The following SEC24D variants were observed in gnomAD, a reference collection of about 807,000 sequenced individuals.
The protein encoded by SEC24D is SEC24 homolog D, COPII component.
SEC24D carries 69 observed loss-of-function variants against 116.9 expected under a neutral mutation model. The ratio of observed to expected loss-of-function variants is 0.59; its 90% CI spans 0.49 to 0.72. The LOEUF (loss-of-function observed/expected upper bound fraction) is 0.72, where lower values mean the gene tolerates loss of function less well. Ranked by LOEUF, SEC24D falls within the 30% of genes least tolerant of loss-of-function variation. SEC24D has a pLI of 0.00. For missense variants in SEC24D, 1,131 were observed against 1,264.1 expected, an observed-to-expected ratio of 0.89 and a Z score of 1.60; for synonymous variants, 405 against 442.8, an observed-to-expected ratio of 0.91 and a Z score of 1.07.
At chr4:118,831,274 T>G (rs1369032180) in intron 2 of SEC24D, among the ~76,000 whole-genome samples, 3 of 152,192 alleles carry the variant, frequency 2.0e-5, no homozygotes, top group African/African-American at 7.2e-5. Context: ...AGTGATCCAC[T>G]TGTCTTGGTC....
chr4:118,744,706 T>C (rs1374188212), intron 14 of SEC24D, among the ~76,000 whole-genome samples: 2 of 152,258 alleles, frequency 1.3e-5, no homozygotes, highest in Non-Finnish European at 2.9e-5. Context: ...ATTACAGGCA[T>C]GAGCCACCGC....
At chr4:118,810,137 T>TGTGTGTGTGTGTGG (rs56961502) in intron 6 of SEC24D, among the ~76,000 whole-genome samples, 1,787 of 104,340 alleles carry the variant, frequency 0.017, 141 homozygotes, top group East Asian at 0.022. Context: ...TGTGTGTGTG[T>TGTGTGTGTGTGTGG]CAGAGGGTAT....
In SEC24D at chr4:118,782,909, C is replaced by A. The variant is rs187290128; in HGVS notation, c.1042-14598G>T. Among the ~76,000 whole-genome samples, 202 of 152,332 alleles carry A rather than the reference C, an allele frequency of 1.3e-3. 1 individual carries two copies. Among genetic ancestry groups the A allele is most frequent in the Non-Finnish European group, 1.4e-3 (97 of 68,028 alleles). ...TCCTTGGGTGTGGGACCCACCGAGT[C>A]AGGCATGGGATATAATCTCCTGGTG... On this transcript the variant is annotated intron_variant, in intron 8 of 22. Transcript: ENST00000280551.
chr4:118,791,857 G>A (rs1466850258), intron 8 of SEC24D, among the ~76,000 whole-genome samples: 9 of 152,292 alleles, frequency 5.9e-5, no homozygotes, highest in African/African-American at 2.2e-4. Context: ...GTGCAGTGGC[G>A]TGATCTTGGC....
chr4:118,834,269 T>TTA (rs1239328568), intron 1 of SEC24D, among the ~76,000 whole-genome samples: 1 of 152,264 alleles, frequency 6.6e-6, no homozygotes, highest in Non-Finnish European at 1.5e-5. Context: ...GATAATGGGC[T>TTA]TATTTTATGA....
chr4:118,826,417 T>C (rs1184281806), intron 2 of SEC24D, among the ~76,000 whole-genome samples: 3 of 152,220 alleles, frequency 2.0e-5, no homozygotes, highest in Non-Finnish European at 2.9e-5. Flanking sequence ...TCATCTTCCC[T>C]GGCCATAGCC....
chr4:118,794,715 G>A (rs1729100531), intron 8 of SEC24D, among the ~76,000 whole-genome samples: 1 of 152,180 alleles, frequency 6.6e-6, no homozygotes, highest in Non-Finnish European at 1.5e-5. Flanking sequence ...TAGGCACACT[G>A]ATGGCAATAC....
intron 6 of SEC24D, among the ~76,000 whole-genome samples, chr4:118,812,318 T>C (rs1193228374): frequency 6.6e-6 from 1 of 151,942 alleles, no homozygotes; most frequent in Admixed American, 6.6e-5. Context: ...TAGAGAAAGG[T>C]GGGTCCCTGG....
At position 118,722,951 on chromosome 4, in the gene SEC24D, A is replaced by C. The variant is rs1725221380; in HGVS notation, c.*564T>G. ...AGTTTTACAGACAAAACAACTGGAA[A>C]ATAGTTTTAACATACACAATATATA... On this transcript the variant is annotated 3_prime_UTR_variant, in exon 23 of 23. Transcript: ENST00000280551. 1 of 152,666 alleles carries C rather than the reference A, an allele frequency of 6.6e-6. No homozygotes were observed. The highest frequency in any genetic ancestry group is 1.5e-5 in the Non-Finnish European group (1 of 68,034). The allele number at this position is 152,666 out of a possible 1,614,324, so 9.5% of individuals were successfully genotyped here.
At chr4:118,780,039 T>C (rs62328158) in intron 8 of SEC24D, among the ~76,000 whole-genome samples, 7,403 of 152,228 alleles carry the variant, frequency 0.049, 226 homozygotes, top group Middle Eastern at 0.24. Context: ...TTTGTTGATC[T>C]TTTCAAAAAA....
intron 19 of SEC24D, among the ~76,000 whole-genome samples, chr4:118,737,329 A>G (rs1726010910): frequency 6.6e-6 from 1 of 152,230 alleles, no homozygotes; most frequent in Non-Finnish European, 1.5e-5. Flanking sequence ...AGAAGAGATA[A>G]AAGAATGGAT....
chr4:118,793,694 TTCTAAG>T (rs1248173838), intron 8 of SEC24D, among the ~76,000 whole-genome samples: 2 of 152,198 alleles, frequency 1.3e-5, no homozygotes, highest in African/African-American at 4.8e-5. Context: ...ATTTTTTGAC[TTCTAAG>T]TCTATTTCAA....
intron 10 of SEC24D, chr4:118,764,318 C>T (rs1262038858): frequency 6.6e-6 from 1 of 152,312 alleles, no homozygotes; most frequent in Non-Finnish European, 1.5e-5. Flanking sequence ...AGGCCAGGAT[C>T]TCAGCCTGCT....
chr4:118,762,475 A>G (rs1043428566), intron 10 of SEC24D, among the ~76,000 whole-genome samples: 2 of 152,172 alleles, frequency 1.3e-5, no homozygotes, highest in African/African-American at 4.8e-5. Flanking sequence ...AATTTAGCCT[A>G]CAGCTTGGCA....
At chr4:118,798,530 G>A (rs567148836) in intron 7 of SEC24D, among the ~76,000 whole-genome samples, 182 of 152,252 alleles carry the variant, frequency 1.2e-3, no homozygotes, top group African/African-American at 4.3e-3. Flanking sequence ...ATGACTAAAA[G>A]AATGTAATCA....
At chr4:118,738,414 T>C in intron 18 of SEC24D, 35 bp from the exon 19 acceptor site, 1 of 1,356,824 alleles carries the variant, frequency 7.4e-7, no homozygotes, top group Non-Finnish European at 1.1e-6. Flanking sequence ...ACATGAGTTT[T>C]AGCTCAGACA....
intron 2 of SEC24D, 149 bp from the exon 3 acceptor site, chr4:118,824,898 A>G: frequency 1.6e-6 from 1 of 617,568 alleles, no homozygotes; most frequent in South Asian, 2.8e-5. Context: ...CATCACCTAC[A>G]GACCTGTCAA....
At chr4:118,742,821 A>G (rs1578389054) in intron 15 of SEC24D, among the ~76,000 whole-genome samples, 1 of 152,252 alleles carries the variant, frequency 6.6e-6, no homozygotes, top group African/African-American at 2.4e-5. Context: ...ATGGGGAGTG[A>G]CTCATCTGAT....
chr4:118,774,465 C>T (rs1322757596), intron 8 of SEC24D, among the ~76,000 whole-genome samples: 1 of 152,120 alleles, frequency 6.6e-6, no homozygotes, highest in Non-Finnish European at 1.5e-5. Context: ...GCTAACAACC[C>T]AGGGAGTGGG....
Sources: allele counts gnomAD v4.1 joint callset (sites outside exome capture counted in the v4.1 genomes callset), GRCh38; gene constraint gnomAD v4.1.1; transcripts MANE v1.5; gene names NCBI Gene and HGNC (gene_info 2026-07-23, HGNC 2026-07-21).